The following SAMD4A variants were observed in gnomAD, a reference collection of about 807,000 sequenced individuals.
SAMD4A encodes the protein sterile alpha motif domain containing 4A, also known as protein Smaug homolog 1.
In SAMD4A, 33 loss-of-function variants were observed where a neutral mutation model predicts 81.3. The observed-to-expected ratio is 0.41, with a 90% confidence interval of 0.31 to 0.54. The LOEUF is 0.54. SAMD4A is among the 20% of genes least tolerant of loss of function. The pLI, the probability that SAMD4A is intolerant of heterozygous loss-of-function variation, is 0.37. For synonymous variants in SAMD4A, 389 were observed against 382.1 expected (o/e 1.02, Z -0.21); for missense variants, 854 against 951.1 (o/e 0.90, Z 1.34).
At position 54,702,428 on chromosome 14, in the gene SAMD4A, A is replaced by T; in HGVS notation, c.563A>T (p.Asn188Ile). ...HQRQNSDDKL[N>I]GWQNSRDSGI... The stretch of plus-strand genomic sequence containing the variant: ...AGACAGAACTCTGATGACAAGCTCA[A>T]TGGGTGGCAGAACTCTCGGGATTCT... Residue 188 changes from asparagine (N) to isoleucine (I), a missense_variant, in exon 3 of 13, where the codon AAT (asparagine) becomes ATT (isoleucine). Asn to Ile is a moderately radical substitution (Grantham distance 149, BLOSUM62 -3). This residue lies in a region of SAMD4A where 387 missense variants were observed against 405.8 expected (regional missense o/e 0.95). Transcript: ENST00000554335. 6.2e-7 allele frequency: 1 copy of T among 1,614,144 alleles called. No homozygotes were observed. The highest frequency in any genetic ancestry group is 8.5e-7 in the Non-Finnish European group (1 of 1,179,986).
chr14:54,604,858 C>T (rs942357147), intron 2 of SAMD4A, among the ~76,000 whole-genome samples: 2 of 152,194 alleles, frequency 1.3e-5, no homozygotes, highest in African/African-American at 4.8e-5. Flanking sequence ...AAAAACAGAA[C>T]ATTACCAGTG....
chr14:54,753,175 G>A (rs1022245027), intron 6 of SAMD4A, among the ~76,000 whole-genome samples: 20 of 151,862 alleles, frequency 1.3e-4, no homozygotes, highest in African/African-American at 3.9e-4. Context: ...GACCCTTTAC[G>A]GGTGTTGGGC....
In SAMD4A at chr14:54,567,925, T is replaced by C. The variant is rs2032988575; in HGVS notation, c.9T>C (p.Phe3=). Residue 3 remains phenylalanine (F), a synonymous_variant, in exon 2 of 13, where the codon TTT becomes TTC. Transcript: ENST00000554335. MM[F]RDQVGVLAGW... The stretch of plus-strand genomic sequence containing the variant: ...AGGGCGGCCCCCTAACCATGATGTT[T>C]CGCGACCAGGTCGGGGTGCTGGCGG... 6.2e-7 allele frequency: 1 copy of C among 1,607,364 alleles called. No homozygotes were observed. The highest frequency in any genetic ancestry group is 1.3e-5 in the African/African-American group (1 of 74,704).
At chr14:54,758,847 A>C (rs2038315619) in intron 6 of SAMD4A, among the ~76,000 whole-genome samples, 1 of 152,174 alleles carries the variant, frequency 6.6e-6, no homozygotes, top group Non-Finnish European at 1.5e-5. Flanking sequence ...AAAAAAATTA[A>C]ATACTTCATC....
chr14:54,724,017 G>GAAGC, intron 3 of SAMD4A, among the ~76,000 whole-genome samples: 1 of 138,246 alleles, frequency 7.2e-6, no homozygotes, highest in Non-Finnish European at 1.7e-5. Context: ...TGGAAGGAAG[G>GAAGC]AAGGAAGGAA....
intron 4 of SAMD4A, among the ~76,000 whole-genome samples, chr14:54,746,500 C>G (rs1455695218): frequency 6.6e-6 from 1 of 152,226 alleles, no homozygotes; most frequent in Non-Finnish European, 1.5e-5. Context: ...TTCCACTCCT[C>G]TAACCAGGGC....
In SAMD4A at chr14:54,792,967, C is replaced by T. The variant is rs886124587; in HGVS notation, c.*4023C>T. On this transcript the variant is annotated 3_prime_UTR_variant, in exon 13 of 13. Transcript: ENST00000554335. ...CAGGCATCTGTATTGTACATGCATG[C>T]CTTTCGTCCTGTTTTCCTGTATAAA... 1 of 152,144 alleles carries T rather than the reference C, an allele frequency of 6.6e-6. No homozygotes were observed. The highest frequency in any genetic ancestry group is 1.5e-5 in the Non-Finnish European group (1 of 68,030). The allele number at this position is 152,144 out of a possible 1,614,324, so 9.4% of individuals were successfully genotyped here.
At chr14:54,765,795 CCT>C (rs1394688694) in intron 8 of SAMD4A, among the ~76,000 whole-genome samples, 1 of 151,376 alleles carries the variant, frequency 6.6e-6, no homozygotes, top group Non-Finnish European at 1.5e-5. Context: ...TCACATGGGC[CCT>C]GTGCTATCGA....
In SAMD4A at chr14:54,748,824, C is replaced by T; in HGVS notation, c.989C>T (p.Ala330Val). 1 of 1,552,318 alleles carries T rather than the reference C, an allele frequency of 6.4e-7. No individual in the cohort carries two copies. The highest frequency in any genetic ancestry group is 8.7e-7 in the Non-Finnish European group (1 of 1,147,056). ...EEGSGMKDVP[A>V]WLKSLRLHKY... is the part of the protein sequence containing the mutation. ...ACATCTTGCACCACAGATGTTCCAG[C>T]CTGGCTGAAAAGCCTCCGCCTGCAC... is the stretch of plus-strand genomic sequence containing the variant. Residue 330 changes from alanine to valine, a missense_variant, in exon 5 of 13, where the codon GCC becomes GTC. By Grantham distance (64) the Ala-to-Val change is moderately conservative (BLOSUM62 0). Transcript: ENST00000554335.
chr14:54,602,537 A>C (rs529056631), intron 2 of SAMD4A, among the ~76,000 whole-genome samples: 1 of 152,210 alleles, frequency 6.6e-6, no homozygotes, highest in African/African-American at 2.4e-5. Flanking sequence ...TGGGAATGAC[A>C]TGAGTAGCCC....
intron 2 of SAMD4A, among the ~76,000 whole-genome samples, chr14:54,592,685 T>C (rs2033811182): frequency 6.6e-6 from 1 of 152,204 alleles, no homozygotes; most frequent in African/African-American, 2.4e-5. Flanking sequence ...GGTCTCGATC[T>C]CCTGACCTCG....
chr14:54,789,203 A>C lies in SAMD4A; in HGVS notation c.*259A>C. 5.5e-6 allele frequency: 2 copies of C among 361,564 alleles called. No homozygotes were observed. Among genetic ancestry groups the C allele is most frequent in the Non-Finnish European group, 5.3e-6 (1 of 187,956 alleles). The allele number at this position is 361,564 out of a possible 1,614,324, so 22.4% of individuals were successfully genotyped here. ...GGTGGGGAGGGGTCTCTAGGGAATTATGAGACTGGGAGGGGGGTGGAGGGA... is the reference window on the plus strand; with the variant it reads ...GGTGGGGAGGGGTCTCTAGGGAATTCTGAGACTGGGAGGGGGGTGGAGGGA... On this transcript the variant is annotated 3_prime_UTR_variant, in exon 13 of 13. Coordinates refer to ENST00000554335, the MANE Select transcript of SAMD4A (RefSeq NM_015589.6).
At chr14:54,601,845 C>T (rs1009086861) in intron 2 of SAMD4A, among the ~76,000 whole-genome samples, 3 of 152,202 alleles carry the variant, frequency 2.0e-5, no homozygotes, top group Non-Finnish European at 4.4e-5. Context: ...CATCACTATC[C>T]TAAGAACTAA....
chr14:54,606,874 G>A (rs1265556230), intron 2 of SAMD4A, among the ~76,000 whole-genome samples: 1 of 152,192 alleles, frequency 6.6e-6, no homozygotes, highest in Non-Finnish European at 1.5e-5. Context: ...TTGCCAACAT[G>A]GTCTTCAGTG....
intron 2 of SAMD4A, among the ~76,000 whole-genome samples, chr14:54,576,991 A>G (rs1322462519): frequency 6.6e-6 from 1 of 152,204 alleles, no homozygotes; most frequent in Non-Finnish European, 1.5e-5. Flanking sequence ...TATTTTGGGC[A>G]CTGATCCCAG....
chr14:54,632,212 T>C (rs1436809871), intron 2 of SAMD4A, among the ~76,000 whole-genome samples: 1 of 152,198 alleles, frequency 6.6e-6, no homozygotes, highest in Admixed American at 6.5e-5. Context: ...CACTTACTAT[T>C]AGATATACAA....
chr14:54,715,273 T>C (rs1426106776), intron 3 of SAMD4A, among the ~76,000 whole-genome samples: 1 of 152,142 alleles, frequency 6.6e-6, no homozygotes, highest in Non-Finnish European at 1.5e-5. Flanking sequence ...TTCTCACTTC[T>C]TTATGAAAGT....
At position 54,784,613 on chromosome 14, in the gene SAMD4A, C is replaced by T. The variant is rs781638963; in HGVS notation, c.2121C>T (p.Ala707=). The T allele has an allele frequency of 6.2e-6, 10 of 1,613,720 alleles. No individual in the cohort carries two copies. Among genetic ancestry groups the T allele is most frequent in the Non-Finnish European group, 8.5e-6 (10 of 1,179,630 alleles). The change falls in exon 12 of 13, where the codon GCC becomes GCT. Residue 707 remains alanine (A), a synonymous_variant. Coordinates refer to ENST00000554335, the MANE Select transcript of SAMD4A (RefSeq NM_015589.6). ...TGTGCCTCAGTATGACCGAACACGC[C>T]CTGGGAGGTGAGTGTGTTCTTCCTG... ...ESLCLSMTEH[A]LGDGVDRTST...
chr14:54,754,566 C>A (rs1354678612), intron 6 of SAMD4A, among the ~76,000 whole-genome samples: 1 of 152,146 alleles, frequency 6.6e-6, no homozygotes, highest in Non-Finnish European at 1.5e-5. Context: ...CTCTGGAACC[C>A]CTACCTCTCC....
Sources: allele counts gnomAD v4.1 joint callset (sites outside exome capture counted in the v4.1 genomes callset), GRCh38; gene constraint gnomAD v4.1.1; regional missense constraint gnomAD v4.1.1; transcripts MANE v1.5; gene names NCBI Gene and HGNC (gene_info 2026-07-23, HGNC 2026-07-21).